Variants in NCBP1 observed in about 807,000 individuals in gnomAD.
NCBP1 encodes the protein nuclear cap binding protein subunit 1.
NCBP1 carries 16 observed loss-of-function variants against 111.7 expected under a neutral mutation model. The ratio of observed to expected loss-of-function variants is 0.14; its 90% CI spans 0.10 to 0.22. The LOEUF (loss-of-function observed/expected upper bound fraction) is 0.22, where lower values mean the gene tolerates loss of function less well. Ranked by LOEUF, NCBP1 falls within the 10% of genes least tolerant of loss-of-function variation. NCBP1 has a pLI of 1.00. For missense variants in NCBP1, 607 were observed against 957.5 expected, an observed-to-expected ratio of 0.63 and a Z score of 4.83; for synonymous variants, 304 against 314.3, an observed-to-expected ratio of 0.97 and a Z score of 0.35.
At chr9:97,650,352 T>C in intron 8 of NCBP1, 151 bp from the exon 9 acceptor site, 1 of 482,178 alleles carries the variant, frequency 2.1e-6, no homozygotes, top group South Asian at 3.7e-5. Context: ...CAATGGAATT[T>C]CCTGAAATAT....
chr9:97,671,029 A>G (rs1828174903), intron 22 of NCBP1, 57 bp from the exon 23 acceptor site: 1 of 1,183,112 alleles, frequency 8.5e-7, no homozygotes, highest in Admixed American at 1.9e-5. Flanking sequence ...GAAATGTTCC[A>G]CAAGATTGCT....
intron 1 of NCBP1, among the ~76,000 whole-genome samples, chr9:97,636,763 C>T (rs1198407729): frequency 2.7e-5 from 4 of 150,592 alleles, no homozygotes; most frequent in Non-Finnish European, 5.9e-5. Context: ...GATAGAGCCT[C>T]CCCTCTAGAG....
At chr9:97,653,752 C>T (rs777500609) in intron 10 of NCBP1, 46 bp from the exon 11 acceptor site, 90 of 1,440,734 alleles carry the variant, frequency 6.2e-5, no homozygotes, top group Non-Finnish European at 2.5e-5. Flanking sequence ...AATAGAAGTG[C>T]AAAGATAGCA....
Position 97,633,852 on chromosome 9 carries a change from T to C in NCBP1, c.-30T>C, listed in dbSNP as rs760450494. ...TTCCTGCAGCGCTTACCGCCTGGCCTCTCGGTTCCGCGGCGCACCGGAGGG... is the reference window on the plus strand; with the variant it reads ...TTCCTGCAGCGCTTACCGCCTGGCCCCTCGGTTCCGCGGCGCACCGGAGGG... On this transcript the variant is annotated 5_prime_UTR_variant, in exon 1 of 23. Transcript: ENST00000375147. 8 of 1,574,168 alleles carry C rather than the reference T, an allele frequency of 5.1e-6. No homozygotes were observed. The Admixed American group carries it at 1.5e-4, about 29-fold the overall frequency.
At chr9:97,636,566 A>G (rs1190103725) in intron 1 of NCBP1, among the ~76,000 whole-genome samples, 2 of 145,626 alleles carry the variant, frequency 1.4e-5, no homozygotes, top group Admixed American at 6.9e-5. Context: ...TTATATAAAT[A>G]TATACTCTAA....
At chr9:97,653,958 A>G (rs1170093786) in intron 11 of NCBP1, 50 bp downstream of exon 11, 2 of 1,472,466 alleles carry the variant, frequency 1.4e-6, no homozygotes, top group Non-Finnish European at 1.9e-6. Flanking sequence ...TGGTCTTAAA[A>G]GATTATTAAA....
rs1554691385 is a variant in NCBP1, at chr9:97,636,673, T to TAA, written c.34+2761_34+2762dup. Among the ~76,000 whole-genome samples the TAA allele has an allele frequency of 6.5e-5, 8 of 123,466 alleles. 1 individual carries two copies. In the East Asian group the frequency reaches 1.7e-3, roughly 26 times the overall value. The allele number at this position is 123,466 out of a possible 152,430, so 81.0% of individuals were successfully genotyped here. Reference sequence around the variant, plus strand: ...ATATATATATATATATATATATATATAAAATCATTTATTCAACAAATACTT... The same window carrying TAA: ...ATATATATATATATATATATATATATAAAAAATCATTTATTCAACAAATACTT... On this transcript the variant is annotated intron_variant, in intron 1 of 22. Transcript: ENST00000375147.
intron 1 of NCBP1, among the ~76,000 whole-genome samples, chr9:97,637,019 CTA>C (rs1425593868): frequency 6.6e-6 from 1 of 152,072 alleles, no homozygotes; most frequent in South Asian, 2.1e-4. Flanking sequence ...AGCCTGAAGA[CTA>C]TAGGGTTCCT....
chr9:97,643,450 T>C (rs913756738), intron 4 of NCBP1, 90 bp downstream of exon 4: 25 of 1,306,314 alleles, frequency 1.9e-5, no homozygotes, highest in Non-Finnish European at 2.5e-5. Context: ...AATGCTCTCC[T>C]AAAACATTCT....
At chr9:97,635,567 C>T (rs117217770) in intron 1 of NCBP1, among the ~76,000 whole-genome samples, 2,131 of 152,094 alleles carry the variant, frequency 0.014, 103 homozygotes, top group East Asian at 0.13. Flanking sequence ...CGGGCCACCA[C>T]GCCCGGCTAA....
intron 20 of NCBP1, among the ~76,000 whole-genome samples, chr9:97,667,494 A>G (rs1194620909): frequency 6.6e-6 from 1 of 152,220 alleles, no homozygotes; most frequent in East Asian, 1.9e-4. Context: ...ACATACCTGT[A>G]TACATATATG....
At chr9:97,661,462 GAA>G (rs1450156625) in intron 16 of NCBP1, among the ~76,000 whole-genome samples, 1 of 152,140 alleles carries the variant, frequency 6.6e-6, no homozygotes, top group Non-Finnish European at 1.5e-5. Context: ...ATTCCAACCA[GAA>G]TCCTAGGAGT....
chr9:97,652,702 C>T (rs948658332), intron 10 of NCBP1, among the ~76,000 whole-genome samples: 1 of 152,148 alleles, frequency 6.6e-6, no homozygotes, highest in Non-Finnish European at 1.5e-5. Flanking sequence ...CTAGCTGGGC[C>T]TGATAGGATG....
intron 1 of NCBP1, among the ~76,000 whole-genome samples, chr9:97,635,203 C>T (rs1313688598): frequency 6.6e-6 from 1 of 152,152 alleles, no homozygotes; most frequent in Non-Finnish European, 1.5e-5. Flanking sequence ...TCTAGTCCAG[C>T]TTTCTATCTG....
chr9:97,662,269 T>G, intron 17 of NCBP1, 125 bp downstream of exon 17: 3 of 672,526 alleles, frequency 4.5e-6, no homozygotes, highest in Non-Finnish European at 7.6e-6. Flanking sequence ...TTGGACACAG[T>G]GGGTTTGGGT....
At position 97,661,905 on chromosome 9, in the gene NCBP1, ATTGT is replaced by A. The variant is rs1255172532; in HGVS notation, c.1601-134_1601-131del. The A allele has an allele frequency of 4.6e-5, 23 of 503,160 alleles. No homozygotes were observed. The East Asian group carries it at 5.6e-4, about 12-fold the overall frequency. 31.2% of individuals were successfully genotyped at this position (503,160 alleles called of 1,614,324 possible). On this transcript the variant is annotated intron_variant, in intron 16 of 22. Transcript: ENST00000375147. ...TGTTTGAAATCAGTGACGGTCTTTT[ATTGT>A]TTATTAGAACCAAAAAACATTACAC...
chr9:97,663,162 T>C (rs1827889096), intron 18 of NCBP1, 115 bp downstream of exon 18: 2 of 763,442 alleles, frequency 2.6e-6, no homozygotes, highest in Non-Finnish European at 4.4e-6. Context: ...GCCTAGATAA[T>C]GGTTTTTAGA....
chr9:97,643,816 C>T (rs1234409582), intron 4 of NCBP1, among the ~76,000 whole-genome samples: 1 of 152,144 alleles, frequency 6.6e-6, no homozygotes, highest in African/African-American at 2.4e-5. Context: ...GGGCCTCTAG[C>T]ATAGTTTATG....
intron 14 of NCBP1, among the ~76,000 whole-genome samples, chr9:97,657,879 C>T (rs544864397): frequency 2.9e-5 from 4 of 140,014 alleles, no homozygotes; most frequent in South Asian, 4.4e-4. Flanking sequence ...TGAGGAGCCC[C>T]GGTAAGCTCT....
Sources: allele counts gnomAD v4.1 joint callset (sites outside exome capture counted in the v4.1 genomes callset), GRCh38; gene constraint gnomAD v4.1.1; transcripts MANE v1.5; gene names NCBI Gene and HGNC (gene_info 2026-07-23, HGNC 2026-07-21).